DDX46: variants seen among roughly 807,000 people sequenced by gnomAD.
DDX46 encodes the protein DEAD-box helicase 46, also known as probable ATP-dependent RNA helicase DDX46.
In DDX46, 30 loss-of-function variants were observed where a neutral mutation model predicts 134.9. The observed-to-expected ratio is 0.22, with a 90% confidence interval of 0.17 to 0.30. The LOEUF (loss-of-function observed/expected upper bound fraction) is 0.30, where lower values mean the gene tolerates loss of function less well. DDX46 is among the 10% of genes least tolerant of loss of function. The pLI is 1.00. For synonymous variants in DDX46, 415 were observed against 404.1 expected (o/e 1.03, Z -0.32); for missense variants, 622 against 1,248.7 (o/e 0.50, Z 7.56).
At chr5:134,825,563 C>T (rs1056141359) in intron 21 of DDX46, among the ~76,000 whole-genome samples, 1 of 152,154 alleles carries the variant, frequency 6.6e-6, no homozygotes, top group African/African-American at 2.4e-5. Context: ...TTTAAAAATA[C>T]ACGGAATGAT....
At chr5:134,812,771 G>A (rs912178534) in intron 18 of DDX46, among the ~76,000 whole-genome samples, 1 of 152,078 alleles carries the variant, frequency 6.6e-6, no homozygotes, top group Admixed American at 6.6e-5. Flanking sequence ...CCTAGTAGCT[G>A]GGATTACAGG....
intron 5 of DDX46, 36 bp downstream of exon 5, chr5:134,773,897 C>T (rs749990606): frequency 6.7e-7 from 1 of 1,503,154 alleles, no homozygotes; most frequent in Admixed American, 2.3e-5. Flanking sequence ...TATAACACCT[C>T]ATGTAGAATA....
At chr5:134,828,597 T>G in intron 22 of DDX46, 62 bp from the exon 23 acceptor site, 3 of 1,225,706 alleles carry the variant, frequency 2.4e-6, no homozygotes, top group African/African-American at 1.6e-5. Context: ...TTGGTTCGTT[T>G]TTTTTTTTTG....
intron 8 of DDX46, among the ~76,000 whole-genome samples, chr5:134,782,357 C>G (rs1754179525): frequency 6.6e-6 from 1 of 151,776 alleles, no homozygotes; most frequent in Non-Finnish European, 1.5e-5. Flanking sequence ...ATACAAAAAA[C>G]TAGGCTGGGC....
chr5:134,788,374 G>A, intron 11 of DDX46, 139 bp from the exon 12 acceptor site: 1 of 586,122 alleles, frequency 1.7e-6, no homozygotes, highest in Middle Eastern at 4.8e-4. Context: ...TATTTCTTTA[G>A]TAGTGCCCCG....
intron 13 of DDX46, among the ~76,000 whole-genome samples, chr5:134,793,361 G>A (rs1362785057): frequency 6.6e-6 from 1 of 152,196 alleles, no homozygotes; most frequent in Admixed American, 6.5e-5. Flanking sequence ...GCAAGCAGTA[G>A]TGTGCTTCCA....
At chr5:134,821,834 C>G (rs1369681874) in intron 21 of DDX46, among the ~76,000 whole-genome samples, 1 of 151,598 alleles carries the variant, frequency 6.6e-6, no homozygotes, top group African/African-American at 2.4e-5. Context: ...GGATTACAGG[C>G]AGGAGCCACC....
intron 15 of DDX46, 125 bp from the exon 16 acceptor site, chr5:134,807,623 C>A: frequency 1.2e-6 from 1 of 804,676 alleles, no homozygotes; most frequent in African/African-American, 1.7e-5. Context: ...TTTTCTTAGT[C>A]TTTTATTTTC....
chr5:134,788,143 C>G (rs2150144761), intron 11 of DDX46, among the ~76,000 whole-genome samples: 1 of 150,752 alleles, frequency 6.6e-6, no homozygotes, highest in East Asian at 1.9e-4. Flanking sequence ...ATTTCTTTTT[C>G]TGAGGCAGGG....
intron 12 of DDX46, 48 bp downstream of exon 12, chr5:134,788,639 CT>C (rs150097158): frequency 5.4e-5 from 82 of 1,523,790 alleles, no homozygotes; most frequent in Admixed American, 7.0e-5. Flanking sequence ...GAATTCTTTA[CT>C]TTTTTTTGTT....
At chr5:134,811,652 A>C in intron 17 of DDX46, 44 bp from the exon 18 acceptor site, 1 of 1,552,526 alleles carries the variant, frequency 6.4e-7, no homozygotes, top group African/African-American at 1.4e-5. Flanking sequence ...CCTAAACATT[A>C]AAGTTTTTAC....
At chr5:134,809,721 A>G (rs1755086797) in intron 16 of DDX46, among the ~76,000 whole-genome samples, 1 of 148,498 alleles carries the variant, frequency 6.7e-6, no homozygotes, top group African/African-American at 2.4e-5. Flanking sequence ...AAAATTCGTA[A>G]CAGTTGGCCG....
rs1322790597 is a variant in DDX46 at position 134,767,809 on chromosome 5, G to A, written c.350+749G>A. Among the ~76,000 whole-genome samples, 6 of 151,792 alleles carry A rather than the reference G, an allele frequency of 4.0e-5. No individual in the cohort carries two copies. The East Asian group carries it at 1.2e-3, about 31-fold the overall frequency. ...CTACTAAAAATACAAAATTAGCTGG[G>A]CGTGGTGGCGTATGCCTGTAATCCC... is the stretch of plus-strand genomic sequence containing the variant. On this transcript the variant is annotated intron_variant, in intron 3 of 22. Coordinates refer to ENST00000452510, the MANE Select transcript of DDX46 (RefSeq NM_001300860.2).
At chr5:134,797,627 A>G (rs1754707496) in intron 15 of DDX46, among the ~76,000 whole-genome samples, 1 of 152,174 alleles carries the variant, frequency 6.6e-6, no homozygotes, top group African/African-American at 2.4e-5. Context: ...ACTGGCCCAG[A>G]TTCAAGGGGA....
chr5:134,793,308 T>C (rs920626282), intron 13 of DDX46, among the ~76,000 whole-genome samples: 1 of 152,174 alleles, frequency 6.6e-6, no homozygotes, highest in Non-Finnish European at 1.5e-5. Context: ...CTAGTGCTAT[T>C]GAATGCAAAG....
chr5:134,791,535 TG>T (rs1754503044), intron 13 of DDX46, among the ~76,000 whole-genome samples: 1 of 150,422 alleles, frequency 6.6e-6, no homozygotes, highest in South Asian at 2.1e-4. Context: ...CACTCCAGCC[TG>T]GGAGACAGAG....
At chr5:134,770,626 A>G (rs421285) in intron 3 of DDX46, among the ~76,000 whole-genome samples, 4,288 of 152,200 alleles carry the variant, frequency 0.028, 114 homozygotes, top group African/African-American at 0.074. Flanking sequence ...AGCCTGGCCA[A>G]CATGGTGAAA....
intron 21 of DDX46, among the ~76,000 whole-genome samples, chr5:134,824,599 A>C (rs1027355947): frequency 3.9e-5 from 6 of 152,204 alleles, no homozygotes; most frequent in Admixed American, 6.5e-5. Flanking sequence ...AAAAGAAAAG[A>C]AAAAGAAATA....
At chr5:134,760,903 T>C (rs887668233) in intron 1 of DDX46, among the ~76,000 whole-genome samples, 9 of 152,130 alleles carry the variant, frequency 5.9e-5, no homozygotes, top group Non-Finnish European at 1.3e-4. Context: ...CTAATTTTTG[T>C]ATTTTTTAGT....
Sources: allele counts gnomAD v4.1 joint callset (sites outside exome capture counted in the v4.1 genomes callset), GRCh38; gene constraint gnomAD v4.1.1; transcripts MANE v1.5; gene names NCBI Gene and HGNC (gene_info 2026-07-23, HGNC 2026-07-21).